ARHGAP5: variants seen among roughly 807,000 people sequenced by gnomAD.
ARHGAP5 encodes the protein rho GTPase-activating protein 5.
A neutral mutation model predicts 116.6 loss-of-function variants in ARHGAP5; 23 were observed. That is an observed-to-expected ratio of 0.20 (90% confidence interval 0.14 to 0.28). The LOEUF is 0.28. ARHGAP5 is among the 10% of genes least tolerant of loss of function. The pLI, the probability that ARHGAP5 is intolerant of heterozygous loss-of-function variation, is 1.00. For missense variants in ARHGAP5, 1,405 were observed against 1,774.8 expected (o/e 0.79, Z 3.74); for synonymous variants, 574 against 602.0 (o/e 0.95, Z 0.68).
chr14:32,136,789 T>C (rs542500211), intron 3 of ARHGAP5, among the ~76,000 whole-genome samples: 15 of 152,316 alleles, frequency 9.8e-5, no homozygotes, highest in South Asian at 6.2e-4. Context: ...CATTTTTAAA[T>C]TATATGAAGT....
rs563989053 is a variant in ARHGAP5 at position 32,133,616 on chromosome 14, C to T, written c.3866-12647C>T. On this transcript the variant is annotated intron_variant, in intron 3 of 6. Transcript: ENST00000345122. ...TTGCCCTGGCCAGAACTTCCAACTC[C>T]GTGTTGAATAGGAGTGGTGAGAGAG... Among the ~76,000 whole-genome samples, 52 of 152,168 alleles carry T rather than the reference C, an allele frequency of 3.4e-4. No homozygotes were observed. In the South Asian group the frequency reaches 5.0e-3, roughly 15 times the overall value.
In ARHGAP5 at chr14:32,092,661, C is replaced by T. The variant is rs778857617; in HGVS notation, c.1992C>T (p.Ser664=). The T allele has an allele frequency of 9.9e-6, 16 of 1,613,878 alleles. No individual in the cohort carries two copies. In the African/African-American group the frequency reaches 1.5e-4, roughly 15 times the overall value. ...KPHGCFCVFN[S]IESLSFIGEF... Reference sequence around the variant, plus strand: ...ATGGGTGCTTCTGTGTATTTAATTCCATTGAGTCATTGAGTTTTATTGGGG... The same window carrying T: ...ATGGGTGCTTCTGTGTATTTAATTCTATTGAGTCATTGAGTTTTATTGGGG... The change falls in exon 2 of 7, where the codon TCC becomes TCT. Residue 664 remains serine (S), a synonymous_variant. Coordinates refer to ENST00000345122, the MANE Select transcript of ARHGAP5 (RefSeq NM_001030055.2). The surrounding 1 kb of genome is among the most constrained non-coding windows in gnomAD (Gnocchi z 4.1).
At chr14:32,138,949 G>A (rs1880953301) in intron 3 of ARHGAP5, among the ~76,000 whole-genome samples, 2 of 152,074 alleles carry the variant, frequency 1.3e-5, no homozygotes, top group South Asian at 4.1e-4. Flanking sequence ...TACATCAATT[G>A]AGATGATCAT....
chr14:32,152,588 T>A, intron 6 of ARHGAP5, 60 bp downstream of exon 6: 1 of 850,368 alleles, frequency 1.2e-6, no homozygotes, highest in Non-Finnish European at 1.8e-6. Flanking sequence ...TTCAAACATG[T>A]AAATTTTATA....
chr14:32,092,974 G>A lies in ARHGAP5; in HGVS notation c.2305G>A (p.Ala769Thr), dbSNP rs370267449. The A allele has an allele frequency of 1.9e-6, 3 of 1,614,050 alleles. No homozygotes were observed. The highest frequency in any genetic ancestry group is 2.5e-6 in the Non-Finnish European group (3 of 1,179,952). The change falls in exon 2 of 7, where the codon GCC (alanine) becomes ACC (threonine). Residue 769 changes from alanine to threonine, a missense_variant. Physicochemically the swap from Ala to Thr is moderately conservative, Grantham distance 58 (BLOSUM62 0). Transcript: ENST00000345122. This position sits in a 1 kb window ranked among gnomAD's most constrained non-coding sequence, Gnocchi z 4.1. ...TTTGGATGTGGTGAGCCCAATTCCTGCCAATAAGGACTTATCAGAAGCTGA... is the reference window on the plus strand; with the variant it reads ...TTTGGATGTGGTGAGCCCAATTCCTACCAATAAGGACTTATCAGAAGCTGA... ...HNLDVVSPIP[A>T]NKDLSEADLR...
chr14:32,100,837 A>C (rs1878759575), intron 2 of ARHGAP5, among the ~76,000 whole-genome samples: 1 of 152,154 alleles, frequency 6.6e-6, no homozygotes, highest in African/African-American at 2.4e-5. Flanking sequence ...CTTTAAGAGA[A>C]CTGCTTGAAA....
intron 3 of ARHGAP5, among the ~76,000 whole-genome samples, chr14:32,140,114 C>CTTTTTTTTTTTTTTTTTTTTTTTTTTTT (rs1881045011): frequency 2.0e-4 from 3 of 15,118 alleles, no homozygotes; most frequent in African/African-American, 2.7e-4. Context: ...TTTTTTTTTT[C>CTTTTTTTTTTTTTTTTTTTTTTTTTTTT]CTTTTTTTTT....
chr14:32,119,761 C>T (rs531315073), intron 3 of ARHGAP5, among the ~76,000 whole-genome samples: 14 of 152,116 alleles, frequency 9.2e-5, no homozygotes, highest in African/African-American at 3.4e-4. Context: ...GGTTATCTTA[C>T]GATTGTTTTT....
chr14:32,121,013 C>CTTT lies in ARHGAP5; in HGVS notation c.3865+3744_3865+3746dup, dbSNP rs56377207. 2.3e-3 allele frequency among the ~76,000 whole-genome samples: 244 copies of CTTT among 104,908 alleles called. 6 individuals carry two copies. The highest frequency in any genetic ancestry group is 8.6e-3 in the Middle Eastern group (1 of 116). 68.8% of individuals were successfully genotyped at this position (104,908 alleles called of 152,430 possible). A position where few individuals can be genotyped will look rare whatever the true frequency, so the allele number is the denominator to read the frequency against. ...ATTTCATACACATTTAGGATTATGT[C>CTTT]TTTTTTTTTTTTTTTTTTTTGGAGA... On this transcript the variant is annotated intron_variant, in intron 3 of 6. Transcript: ENST00000345122.
intron 2 of ARHGAP5, among the ~76,000 whole-genome samples, chr14:32,105,368 T>C (rs1235037006): frequency 6.6e-6 from 1 of 152,190 alleles, no homozygotes; most frequent in Non-Finnish European, 1.5e-5. Flanking sequence ...TTCCGTTCCA[T>C]TTTCATACTA....
At chr14:32,109,796 C>T (rs1055229195) in intron 2 of ARHGAP5, among the ~76,000 whole-genome samples, 1 of 152,128 alleles carries the variant, frequency 6.6e-6, no homozygotes, top group Non-Finnish European at 1.5e-5. Context: ...AAATGACATA[C>T]TGGCTAAGAA....
At chr14:32,135,051 C>G (rs115681671) in intron 3 of ARHGAP5, among the ~76,000 whole-genome samples, 2,358 of 152,252 alleles carry the variant, frequency 0.015, 55 homozygotes, top group African/African-American at 0.053. Context: ...TTGTCCATTC[C>G]CAGCATTGTT....
chr14:32,132,057 G>A (rs1043107593), intron 3 of ARHGAP5, among the ~76,000 whole-genome samples: 1 of 152,178 alleles, frequency 6.6e-6, no homozygotes, highest in African/African-American at 2.4e-5. Context: ...AGGTGCATGT[G>A]TCTTTATAGC....
chr14:32,128,500 C>A lies in ARHGAP5; in HGVS notation c.3865+11213C>A, dbSNP rs192646369. Among the ~76,000 whole-genome samples the A allele has an allele frequency of 2.0e-5, 3 of 152,366 alleles. No homozygotes were observed. The East Asian group carries it at 5.8e-4, about 29-fold the overall frequency. On this transcript the variant is annotated intron_variant, in intron 3 of 6. Transcript: ENST00000345122. ...CTCGCTGGGCTCTGGTTTCCTCATT[C>A]CAAGGATGGCTCTGCTATCTGCGTG...
chr14:32,097,598 T>G (rs1321773881), intron 2 of ARHGAP5, among the ~76,000 whole-genome samples: 1 of 152,106 alleles, frequency 6.6e-6, no homozygotes, highest in Non-Finnish European at 1.5e-5. Flanking sequence ...TATTCAGTGT[T>G]ATATGGAGAT....
chr14:32,090,899 A>G lies in ARHGAP5; in HGVS notation c.230A>G (p.Asp77Gly), dbSNP rs1466130901. The G allele has an allele frequency of 1.2e-6, 2 of 1,613,646 alleles. No individual in the cohort carries two copies. Among genetic ancestry groups the G allele is most frequent in the Non-Finnish European group, 1.7e-6 (2 of 1,179,616 alleles). Residue 77 changes from aspartate (D) to glycine (G), a missense_variant, in exon 2 of 7, where the codon GAC becomes GGC. Physicochemically the swap from Asp to Gly is moderately conservative, Grantham distance 94 (BLOSUM62 -1). This residue lies in a region of ARHGAP5 where 190 missense variants were observed against 314.9 expected (regional missense o/e 0.60). Transcript: ENST00000345122. ...VNNDHFLYWG[D>G]IIQNSEDGVE... ...AATGATCACTTTTTGTACTGGGGTG[A>G]CATAATACAAAATAGTGAAGATGGA... is the stretch of plus-strand genomic sequence containing the variant.
intron 3 of ARHGAP5, among the ~76,000 whole-genome samples, chr14:32,144,580 T>C (rs1003875968): frequency 3.3e-5 from 5 of 152,012 alleles, no homozygotes; most frequent in African/African-American, 1.2e-4. Context: ...GCCTCCTGGG[T>C]TCAAGTGATT....
chr14:32,111,945 C>T (rs544540856), intron 2 of ARHGAP5, among the ~76,000 whole-genome samples: 1 of 149,734 alleles, frequency 6.7e-6, no homozygotes, highest in South Asian at 2.1e-4. Context: ...AAGTGATTCT[C>T]CTGCCTCAGA....
intron 2 of ARHGAP5, among the ~76,000 whole-genome samples, chr14:32,100,426 T>G (rs1878740155): frequency 6.6e-6 from 1 of 152,126 alleles, no homozygotes; most frequent in African/African-American, 2.4e-5. Flanking sequence ...CTCAAACTCC[T>G]GGCCTCAAGC....
Sources: gnomAD v4.1 joint callset for allele counts (sites outside exome capture counted in the v4.1 genomes callset) on GRCh38, gnomAD v4.1.1 for gene constraint, gnomAD v4.1.1 regional missense constraint, Gnocchi (gnomAD v3.1) non-coding constraint, MANE v1.5 for transcripts, NCBI Gene and HGNC (gene_info 2026-07-23, HGNC 2026-07-21) for gene names.